Variants in LRBA observed in about 807,000 individuals in gnomAD.
LRBA encodes the protein lipopolysaccharide-responsive and beige-like anchor protein.
In LRBA, 176 loss-of-function variants were observed where a neutral mutation model predicts 330.0. The observed-to-expected ratio is 0.53, with a 90% CI of 0.47 to 0.60. LRBA has a LOEUF of 0.60. LRBA is among the 20% of genes least tolerant of loss of function. The probability of loss-of-function intolerance (pLI) is 0.00; values close to 1 mark genes in which losing one functional copy is unlikely to be tolerated. For synonymous variants in LRBA, 1,230 were observed against 1,193.0 expected (o/e 1.03, Z -0.64); for missense variants, 3,259 against 3,444.8 (o/e 0.95, Z 1.35).
chr4:150,727,138 T>C (rs986916398), intron 36 of LRBA, among the ~76,000 whole-genome samples: 5 of 139,380 alleles, frequency 3.6e-5, no homozygotes, highest in Non-Finnish European at 6.1e-5. Context: ...AGTGGCATGA[T>C]TCTCAGCTCA....
intron 50 of LRBA, 45 bp from the exon 51 acceptor site, chr4:150,315,668 T>C (rs766960856): frequency 9.4e-6 from 11 of 1,166,302 alleles, no homozygotes; most frequent in African/African-American, 4.8e-5. Context: ...ATTTTTTATA[T>C]ACTAAACTAC....
intron 2 of LRBA, among the ~76,000 whole-genome samples, chr4:150,963,232 C>T (rs2149570017): frequency 6.7e-6 from 1 of 148,722 alleles, no homozygotes; most frequent in Admixed American, 6.6e-5. Flanking sequence ...CCCTCTGATG[C>T]CGAGCCGAGG....
intron 35 of LRBA, among the ~76,000 whole-genome samples, chr4:150,757,324 C>A (rs1252962921): frequency 1.3e-5 from 2 of 152,142 alleles, no homozygotes; most frequent in Admixed American, 6.5e-5. Context: ...ATAGCTAGAA[C>A]AACATCAGCA....
At chr4:150,504,674 A>C (rs1760802154) in intron 40 of LRBA, among the ~76,000 whole-genome samples, 1 of 152,206 alleles carries the variant, frequency 6.6e-6, no homozygotes, top group Non-Finnish European at 1.5e-5. Context: ...GCTAGGAAGA[A>C]ACTGCATCAA....
At chr4:150,428,852 C>T (rs1406105519) in intron 46 of LRBA, among the ~76,000 whole-genome samples, 3 of 152,102 alleles carry the variant, frequency 2.0e-5, no homozygotes, top group Non-Finnish European at 4.4e-5. Context: ...AAACATAAGA[C>T]CAATTAACAG....
chr4:150,643,393 G>A (rs1446756538), intron 37 of LRBA, among the ~76,000 whole-genome samples: 1 of 151,922 alleles, frequency 6.6e-6, no homozygotes, highest in African/African-American at 2.4e-5. Flanking sequence ...CTAAGAGATA[G>A]TGATGGAGGC....
chr4:150,964,244 TGG>T (rs202101772), intron 2 of LRBA, among the ~76,000 whole-genome samples: 1 of 137,068 alleles, frequency 7.3e-6, no homozygotes, highest in Non-Finnish European at 1.5e-5. Flanking sequence ...GTCTGGGAGA[TGG>T]GGGGGCCCCT....
intron 37 of LRBA, among the ~76,000 whole-genome samples, chr4:150,668,167 G>A (rs1219079321): frequency 3.3e-5 from 5 of 152,210 alleles, no homozygotes; most frequent in African/African-American, 1.2e-4. Context: ...AGTACACTAA[G>A]CAATTATTCT....
rs993327693 is a variant in LRBA at position 150,375,169 on chromosome 4, T to A, written c.7195-25010A>T. Among the ~76,000 whole-genome samples the A allele has an allele frequency of 2.0e-5, 3 of 152,084 alleles. No homozygotes were observed. The East Asian group carries it at 5.8e-4, about 29-fold the overall frequency. On this transcript the variant is annotated intron_variant, in intron 47 of 56. Transcript: ENST00000651943. ...TGGCTGTAGCTGTAGCTTTAACTAT[T>A]GCTGTAGAGGGCCTACAGCCCTGAA... is the stretch of plus-strand genomic sequence containing the variant.
chr4:150,472,323 G>C (rs1756232690), intron 42 of LRBA, among the ~76,000 whole-genome samples: 1 of 151,944 alleles, frequency 6.6e-6, no homozygotes, highest in Non-Finnish European at 1.5e-5. Context: ...TCAATACAAA[G>C]AGTAGTGAGA....
chr4:150,929,740 T>C (rs1734258685), intron 2 of LRBA, among the ~76,000 whole-genome samples: 1 of 152,202 alleles, frequency 6.6e-6, no homozygotes, highest in African/African-American at 2.4e-5. Flanking sequence ...CGTAATTGTG[T>C]AAAGGAATTA....
intron 7 of LRBA, 46 bp from the exon 8 acceptor site, chr4:150,915,773 C>G: frequency 6.6e-7 from 1 of 1,521,654 alleles, no homozygotes; most frequent in Non-Finnish European, 8.9e-7. Flanking sequence ...AACAATTATC[C>G]CAATAACGCA....
intron 47 of LRBA, among the ~76,000 whole-genome samples, chr4:150,351,854 A>G (rs924425014): frequency 1.3e-5 from 2 of 152,228 alleles, no homozygotes; most frequent in African/African-American, 4.8e-5. Flanking sequence ...ATAAAGTTTA[A>G]TTTATAAATT....
chr4:150,760,939 G>C (rs557858396), intron 35 of LRBA, among the ~76,000 whole-genome samples: 38 of 152,270 alleles, frequency 2.5e-4, no homozygotes, highest in Admixed American at 1.4e-3. Flanking sequence ...ATGAGAGATA[G>C]AGAGCAAACC....
At chr4:150,797,693 G>A (rs565629389) in intron 34 of LRBA, among the ~76,000 whole-genome samples, 13 of 152,000 alleles carry the variant, frequency 8.6e-5, no homozygotes, top group African/African-American at 2.4e-4. Flanking sequence ...ATCATTTATC[G>A]CTCATTTTAT....
intron 2 of LRBA, among the ~76,000 whole-genome samples, chr4:150,954,016 G>A (rs1453848056): frequency 6.7e-4 from 14 of 20,872 alleles, no homozygotes; most frequent in Admixed American, 4.0e-3. Flanking sequence ...CGGCCACCCC[G>A]TCTGAGAAGT....
intron 9 of LRBA, among the ~76,000 whole-genome samples, chr4:150,909,294 A>ACCAG (rs1731703820): frequency 6.6e-6 from 1 of 152,074 alleles, no homozygotes. Context: ...CCTGCTCCCC[A>ACCAG]CCAGCCCGAC....
At chr4:150,591,692 G>C (rs1772858165) in intron 38 of LRBA, among the ~76,000 whole-genome samples, 1 of 152,088 alleles carries the variant, frequency 6.6e-6, no homozygotes, top group South Asian at 2.1e-4. Flanking sequence ...GCAGCTTGTG[G>C]AGAGCAGCAG....
chr4:150,383,491 T>C (rs1257671543), intron 47 of LRBA, among the ~76,000 whole-genome samples: 1 of 152,176 alleles, frequency 6.6e-6, no homozygotes, highest in Non-Finnish European at 1.5e-5. Context: ...TGGACTCAAG[T>C]GATCCTCCTC....
Sources: allele counts gnomAD v4.1 joint callset (sites outside exome capture counted in the v4.1 genomes callset), GRCh38; gene constraint gnomAD v4.1.1; transcripts MANE v1.5; gene names NCBI Gene and HGNC (gene_info 2026-07-23, HGNC 2026-07-21).